PLD1: variants seen among roughly 807,000 people sequenced by gnomAD.
The protein encoded by PLD1 is choline phosphatase 1.
A neutral mutation model predicts 137.1 loss-of-function variants in PLD1; 112 were observed. The observed-to-expected ratio is 0.82, with a 90% CI of 0.70 to 0.96. PLD1 has a LOEUF of 0.96. Among genes scored for constraint, PLD1 ranks in the 40% least tolerant of loss-of-function variants. The pLI is 0.00. For missense variants in PLD1, 1,321 were observed against 1,342.0 expected (o/e 0.98, Z 0.24); for synonymous variants, 431 against 454.7 (o/e 0.95, Z 0.66).
chr3:171,624,031 A>G (rs1733873284), intron 23 of PLD1, among the ~76,000 whole-genome samples: 1 of 151,608 alleles, frequency 6.6e-6, no homozygotes, highest in East Asian at 1.9e-4. Context: ...TAAATTGGTT[A>G]GATTAAAAAA....
At chr3:171,641,077 G>A (rs889518797) in intron 23 of PLD1, among the ~76,000 whole-genome samples, 2 of 152,166 alleles carry the variant, frequency 1.3e-5, no homozygotes, top group Admixed American at 6.5e-5. Context: ...AGAACTGTGG[G>A]ACATGGGAGC....
chr3:171,620,715 G>A (rs1414607738), intron 23 of PLD1, among the ~76,000 whole-genome samples, 195 bp from the exon 24 acceptor site: 1 of 69,448 alleles, frequency 1.4e-5, no homozygotes, highest in Non-Finnish European at 3.0e-5. Context: ...AGTCTGAATG[G>A]CTTTCTCTCT....
At chr3:171,806,273 C>A (rs1257844308) in intron 1 of PLD1, among the ~76,000 whole-genome samples, 1 of 152,168 alleles carries the variant, frequency 6.6e-6, no homozygotes. Context: ...CACTATGAAA[C>A]ACTTACGTAA....
chr3:171,796,544 T>G (rs548287389), intron 1 of PLD1, among the ~76,000 whole-genome samples: 2 of 152,320 alleles, frequency 1.3e-5, no homozygotes, highest in Non-Finnish European at 2.9e-5. Flanking sequence ...TGTACTACTG[T>G]GTTCTATCAT....
intron 1 of PLD1, among the ~76,000 whole-genome samples, chr3:171,772,481 A>T (rs1722409795): frequency 6.6e-6 from 1 of 152,204 alleles, no homozygotes; most frequent in African/African-American, 2.4e-5. Flanking sequence ...TTTAGATCTA[A>T]TACACACCTT....
intron 9 of PLD1, among the ~76,000 whole-genome samples, chr3:171,711,470 G>T (rs1025808922): frequency 2.0e-5 from 3 of 151,958 alleles, no homozygotes; most frequent in African/African-American, 7.3e-5. Context: ...CACCTGGCCA[G>T]GAAAACTGTT....
At chr3:171,719,308 A>G (rs1717918011) in intron 8 of PLD1, among the ~76,000 whole-genome samples, 1 of 152,180 alleles carries the variant, frequency 6.6e-6, no homozygotes, top group African/African-American at 2.4e-5. Context: ...TTTGTAGCAC[A>G]TCTGGAAGTA....
intron 22 of PLD1, among the ~76,000 whole-genome samples, chr3:171,644,214 G>T (rs890228614): frequency 3.9e-5 from 6 of 152,178 alleles, no homozygotes; most frequent in African/African-American, 1.4e-4. Flanking sequence ...GACCCTGAGA[G>T]AAGGTCAGAG....
intron 24 of PLD1, among the ~76,000 whole-genome samples, chr3:171,613,228 T>C (rs933458472): frequency 2.0e-5 from 3 of 152,206 alleles, no homozygotes; most frequent in Non-Finnish European, 4.4e-5. Context: ...CTTTAAGTCA[T>C]TGAATTAGCC....
intron 12 of PLD1, among the ~76,000 whole-genome samples, chr3:171,697,396 C>G (rs1715845799): frequency 6.6e-6 from 1 of 152,004 alleles, no homozygotes; most frequent in South Asian, 2.1e-4. Flanking sequence ...AGGCGCCCGC[C>G]ACCATGCCCG....
chr3:171,660,827 C>G (rs1284225757), intron 20 of PLD1, among the ~76,000 whole-genome samples: 2 of 151,870 alleles, frequency 1.3e-5, no homozygotes, highest in African/African-American at 4.8e-5. Flanking sequence ...AGGCTGGTCT[C>G]GAGCTGCTGA....
intron 12 of PLD1, among the ~76,000 whole-genome samples, chr3:171,696,228 A>AT (rs1479356285): frequency 6.6e-6 from 1 of 152,244 alleles, no homozygotes; most frequent in African/African-American, 2.4e-5. Context: ...TTTGGCTGCC[A>AT]TAAGTATGAT....
intron 12 of PLD1, among the ~76,000 whole-genome samples, chr3:171,697,237 C>CTTTTTT (rs34340739): frequency 6.2e-5 from 6 of 97,306 alleles, no homozygotes; most frequent in Non-Finnish European, 1.0e-4. Context: ...TTCCGGACAC[C>CTTTTTT]TTTTTTTTTT....
At chr3:171,610,861 A>G (rs767231452) in intron 25 of PLD1, among the ~76,000 whole-genome samples, 3 of 152,222 alleles carry the variant, frequency 2.0e-5, no homozygotes, top group Non-Finnish European at 2.9e-5. Flanking sequence ...AAGTTGTTAG[A>G]AGGTATTGAT....
At chr3:171,730,215 T>C (rs915102681) in intron 6 of PLD1, among the ~76,000 whole-genome samples, 2 of 152,192 alleles carry the variant, frequency 1.3e-5, no homozygotes, top group African/African-American at 4.8e-5. Context: ...AATTCTTGTT[T>C]GAGATTTTTT....
intron 23 of PLD1, among the ~76,000 whole-genome samples, chr3:171,628,026 G>T (rs1182574482): frequency 1.3e-5 from 2 of 151,566 alleles, no homozygotes; most frequent in Non-Finnish European, 2.9e-5. Flanking sequence ...AGAACTGAAG[G>T]AAATAGAGAC....
In PLD1 at chr3:171,706,209, C is replaced by CATTGTA. The variant is rs545696703; in HGVS notation, c.1145+2545_1145+2546insTACAAT. On this transcript the variant is annotated intron_variant, in intron 11 of 26. Coordinates refer to ENST00000351298, the MANE Select transcript of PLD1 (RefSeq NM_002662.5). ...TTTCCAAAATTAGTAGCCCTTATTA[C>CATTGTA]CACTTACATTGTACCCTTTCTTTCT... 7.0e-4 allele frequency among the ~76,000 whole-genome samples: 106 copies of CATTGTA among 152,028 alleles called. 2 individuals carry two copies. In the South Asian group the frequency reaches 0.022, roughly 31 times the overall value.
intron 23 of PLD1, among the ~76,000 whole-genome samples, chr3:171,639,710 T>C (rs1272626700): frequency 7.6e-6 from 1 of 130,784 alleles, no homozygotes; most frequent in African/African-American, 2.9e-5. Flanking sequence ...ATATATTATA[T>C]AAATATATAA....
intron 24 of PLD1, among the ~76,000 whole-genome samples, chr3:171,618,817 T>G (rs1733342550): frequency 6.7e-6 from 1 of 149,394 alleles, no homozygotes; most frequent in Non-Finnish European, 1.5e-5. Context: ...AAAGGAACAA[T>G]ATTATTTTAA....
Sources: gnomAD v4.1 joint callset for allele counts (sites outside exome capture counted in the v4.1 genomes callset) on GRCh38, gnomAD v4.1.1 for gene constraint, MANE v1.5 for transcripts, NCBI Gene and HGNC (gene_info 2026-07-23, HGNC 2026-07-21) for gene names.